Variants in EFCAB6 observed in about 807,000 individuals in gnomAD.
EFCAB6 encodes the protein EF-hand calcium binding domain 6.
In EFCAB6, 156 loss-of-function variants were observed where a neutral mutation model predicts 169.8. The ratio of observed to expected loss-of-function variants is 0.92; its 90% CI spans 0.81 to 1.05. The LOEUF (loss-of-function observed/expected upper bound fraction) is 1.05. EFCAB6 is among the 50% of genes least tolerant of loss of function. EFCAB6 has a pLI of 0.00. For missense variants in EFCAB6, 1,800 were observed against 1,829.1 expected, an observed-to-expected ratio of 0.98 and a Z score of 0.29; for synonymous variants, 698 against 676.4, an observed-to-expected ratio of 1.03 and a Z score of -0.50.
intron 2 of EFCAB6, among the ~76,000 whole-genome samples, chr22:43,794,796 G>A (rs1479227575): frequency 6.6e-6 from 1 of 152,114 alleles, no homozygotes; most frequent in Non-Finnish European, 1.5e-5. Context: ...TAATATCTTA[G>A]ACAGACTCTA....
At chr22:43,708,054 C>T (rs1603256899) in intron 10 of EFCAB6, among the ~76,000 whole-genome samples, 1 of 86,094 alleles carries the variant, frequency 1.2e-5, no homozygotes, top group African/African-American at 4.6e-5. Flanking sequence ...AGTCTTAAAA[C>T]AGTGGAAGGG....
intron 2 of EFCAB6, among the ~76,000 whole-genome samples, chr22:43,784,515 G>A (rs868802318): frequency 0.12 from 9,719 of 81,390 alleles, 1,308 homozygotes; most frequent in East Asian, 0.5. Context: ...ATATATATGT[G>A]TGTGTGTGTG....
At chr22:43,772,694 C>T (rs115768607) in intron 4 of EFCAB6, among the ~76,000 whole-genome samples, 198 bp downstream of exon 4, 3 of 151,688 alleles carry the variant, frequency 2.0e-5, no homozygotes, top group Non-Finnish European at 4.4e-5. Context: ...GCTGGAGCAG[C>T]GCTACATGCA....
chr22:43,608,365 G>A (rs2053064209), intron 22 of EFCAB6, 117 bp downstream of exon 22: 1 of 826,264 alleles, frequency 1.2e-6, no homozygotes, highest in African/African-American at 1.7e-5. Flanking sequence ...ATGCAACCAA[G>A]AGAAAATACT....
intron 17 of EFCAB6, among the ~76,000 whole-genome samples, chr22:43,638,134 G>A (rs1326364232): frequency 6.6e-6 from 1 of 152,140 alleles, no homozygotes; most frequent in Non-Finnish European, 1.5e-5. Context: ...AGAGGCTCAG[G>A]GCAGGCCACA....
intron 6 of EFCAB6, 65 bp downstream of exon 6, chr22:43,755,701 C>A: frequency 2.1e-6 from 3 of 1,408,704 alleles, no homozygotes; most frequent in Non-Finnish European, 2.9e-6. Flanking sequence ...CATCTACCTC[C>A]ACTAACAATT....
At chr22:43,784,346 A>G (rs2061933154) in intron 2 of EFCAB6, among the ~76,000 whole-genome samples, 1 of 151,502 alleles carries the variant, frequency 6.6e-6, no homozygotes. Flanking sequence ...AGAAATGTTA[A>G]AAGGAATTCT....
intron 9 of EFCAB6, among the ~76,000 whole-genome samples, chr22:43,714,808 C>A (rs952983905): frequency 1.3e-5 from 2 of 152,230 alleles, no homozygotes; most frequent in South Asian, 4.2e-4. Flanking sequence ...AATTACTTGA[C>A]AATGAAATCC....
In EFCAB6 at chr22:43,716,957, T is replaced by C; in HGVS notation, c.773A>G (p.Asn258Ser). 1.3e-6 allele frequency: 2 copies of C among 1,561,784 alleles called. No homozygotes were observed. Among genetic ancestry groups the C allele is most frequent in the Non-Finnish European group, 8.7e-7 (1 of 1,155,696 alleles). ...CMGNQEVSLE[N>S]QQAKNSKKER... ...CTTTTTGGAATTTTTGGCTTGTTGA[T>C]TCTCCAACGAGACCTCTGTTGAAAC... is the stretch of plus-strand genomic sequence containing the variant. The change falls in exon 9 of 32, where the codon AAT becomes AGT. Residue 258 changes from asparagine (N) to serine (S), a missense_variant. Coordinates refer to ENST00000262726, the MANE Select transcript of EFCAB6 (RefSeq NM_022785.4).
chr22:43,670,577 C>G (rs2057447074), intron 15 of EFCAB6, among the ~76,000 whole-genome samples: 1 of 152,240 alleles, frequency 6.6e-6, no homozygotes. Context: ...CTGCATATAG[C>G]TGGGGGCTGA....
intron 17 of EFCAB6, among the ~76,000 whole-genome samples, chr22:43,642,417 T>C (rs2055864520): frequency 1.3e-5 from 2 of 151,166 alleles, no homozygotes; most frequent in South Asian, 2.1e-4. Context: ...GTCTGCCTTG[T>C]CTAGAATTTC....
rs530500370 is a variant in EFCAB6 at position 43,600,824 on chromosome 22, G to A, written c.2682-561C>T. Among the ~76,000 whole-genome samples the A allele has an allele frequency of 7.2e-5, 11 of 152,108 alleles. No individual in the cohort carries two copies. The South Asian group carries it at 8.3e-4, about 11-fold the overall frequency. ...GATTACAGCGCCGGCCACCATGCCC[G>A]GCTAATGTTTCTATTTTTAGTAGAG... On this transcript the variant is annotated intron_variant, in intron 22 of 31. Transcript: ENST00000262726.
At chr22:43,716,308 G>C (rs749648687) in intron 9 of EFCAB6, among the ~76,000 whole-genome samples, 9 of 152,058 alleles carry the variant, frequency 5.9e-5, no homozygotes, top group Non-Finnish European at 1.0e-4. Context: ...CACATCACAG[G>C]CTAAGTTCAC....
chr22:43,675,070 A>G (rs957665712), intron 13 of EFCAB6, among the ~76,000 whole-genome samples: 1 of 151,778 alleles, frequency 6.6e-6, no homozygotes, highest in African/African-American at 2.4e-5. Flanking sequence ...ACCAACTGTC[A>G]GCCTATTCCA....
intron 8 of EFCAB6, among the ~76,000 whole-genome samples, chr22:43,724,367 CTTTTTTTTTTTT>C (rs58226287): frequency 9.3e-6 from 1 of 107,902 alleles, no homozygotes; most frequent in South Asian, 3.0e-4. Flanking sequence ...TTTCTTTTTT[CTTTTTTTTTTTT>C]TTTTTTGAGA....
intron 12 of EFCAB6, among the ~76,000 whole-genome samples, chr22:43,679,869 G>A (rs546424058): frequency 6.6e-6 from 1 of 152,192 alleles, no homozygotes; most frequent in Non-Finnish European, 1.5e-5. Flanking sequence ...GTACTTGTAT[G>A]TTCTAGATAC....
chr22:43,758,095 TTTTG>T (rs765601834), intron 5 of EFCAB6, among the ~76,000 whole-genome samples: 4 of 146,232 alleles, frequency 2.7e-5, no homozygotes, highest in Non-Finnish European at 6.0e-5. Context: ...TTACACTTTC[TTTTG>T]TTTATTTTTT....
At position 43,684,087 on chromosome 22, in the gene EFCAB6, C is replaced by G. The variant is rs533816949; in HGVS notation, c.1143-232G>C. ...CTTGCTGGACCATCTCCTCTCCCCA[C>G]GAGACCAACTCATCGGCCATCTTGC... On this transcript the variant is annotated intron_variant, in intron 11 of 31. Coordinates refer to ENST00000262726, the MANE Select transcript of EFCAB6 (RefSeq NM_022785.4). 1.0e-3 allele frequency among the ~76,000 whole-genome samples: 159 copies of G among 152,232 alleles called. 1 individual carries two copies. The highest frequency in any genetic ancestry group is 6.8e-3 in the Middle Eastern group (2 of 294).
chr22:43,537,129 C>T lies in EFCAB6; in HGVS notation c.4048+248G>A. 1 of 394,854 alleles carries T rather than the reference C, an allele frequency of 2.5e-6. No homozygotes were observed. The highest frequency in any genetic ancestry group is 4.6e-6 in the Non-Finnish European group (1 of 219,730). 24.5% of individuals were successfully genotyped at this position (394,854 alleles called of 1,614,324 possible). A position where few individuals can be genotyped will look rare whatever the true frequency, so the allele number is the denominator to read the frequency against. On this transcript the variant is annotated intron_variant, in intron 29 of 31. Coordinates refer to ENST00000262726, the MANE Select transcript of EFCAB6 (RefSeq NM_022785.4). This position sits in a 1 kb window ranked among gnomAD's most constrained non-coding sequence, Gnocchi z 4.3. The stretch of plus-strand genomic sequence containing the variant: ...GTGGCAACCACTGTGATTTCTAAAG[C>T]TCAGAGTTAGTGCAGCGCTGACTTT...
Sources: gnomAD v4.1 joint callset for allele counts (sites outside exome capture counted in the v4.1 genomes callset) on GRCh38, gnomAD v4.1.1 for gene constraint, Gnocchi (gnomAD v3.1) non-coding constraint, MANE v1.5 for transcripts, NCBI Gene and HGNC (gene_info 2026-07-23, HGNC 2026-07-21) for gene names.